Variants in CRYBG2 observed in about 807,000 individuals in gnomAD.
The protein encoded by CRYBG2 is beta/gamma crystallin domain-containing protein 2.
Under a neutral mutation model 153.4 loss-of-function variants are expected in CRYBG2, and 106 were observed. That is an observed-to-expected ratio of 0.69 (90% confidence interval 0.59 to 0.81). CRYBG2 has a LOEUF of 0.81. Among genes scored for constraint, CRYBG2 ranks in the 30% least tolerant of loss-of-function variants. The probability of loss-of-function intolerance (pLI) is 0.00; values close to 1 mark genes in which losing one functional copy is unlikely to be tolerated. For missense variants in CRYBG2, 1,996 were observed against 2,112.0 expected, an observed-to-expected ratio of 0.95 and a Z score of 1.08; for synonymous variants, 851 against 877.8, an observed-to-expected ratio of 0.97 and a Z score of 0.54.
At position 26,345,144 on chromosome 1, in the gene CRYBG2, G is replaced by A; in HGVS notation, c.1514C>T (p.Ala505Val). 8.8e-7 allele frequency: 1 copy of A among 1,132,702 alleles called. No individual in the cohort carries two copies. The highest frequency in any genetic ancestry group is 1.2e-6 in the Non-Finnish European group (1 of 834,436). The allele number at this position is 1,132,702 out of a possible 1,614,324, so 70.2% of individuals were successfully genotyped here. ...KEVVKGPGAPAASSPTQKEVV... is the reference protein window; with the variant it reads ...KEVVKGPGAPVASSPTQKEVV... ...CTCCTTCTGGGTGGGAGATGAGGCA[G>A]CAGGAGCACCAGGGCCCTTCACGAC... Residue 505 changes from alanine to valine, a missense_variant, in exon 2 of 20, where the codon GCT becomes GTT. Physicochemically the swap from Ala to Val is moderately conservative, Grantham distance 64. Coordinates refer to ENST00000308182, the MANE Select transcript of CRYBG2 (RefSeq NM_001039775.4).
chr1:26,322,718 G>A (rs539798530), intron 18 of CRYBG2, among the ~76,000 whole-genome samples: 1 of 152,230 alleles, frequency 6.6e-6, no homozygotes, highest in East Asian at 1.9e-4. Context: ...CTGCCCCACG[G>A]TACTCTAGAC....
intron 5 of CRYBG2, among the ~76,000 whole-genome samples, chr1:26,340,429 C>T (rs1438149112): frequency 6.6e-6 from 1 of 152,158 alleles, no homozygotes; most frequent in East Asian, 1.9e-4. Context: ...AACCCAGCAC[C>T]TCCCATGTGC....
At chr1:26,337,440 GAC>G (rs2074075582) in intron 9 of CRYBG2, 61 bp from the exon 10 acceptor site, 1 of 1,601,988 alleles carries the variant, frequency 6.2e-7, no homozygotes, top group Non-Finnish European at 8.5e-7. Context: ...GGATGAATGA[GAC>G]AGCTGTCCCC....
rs1046647582 is a variant in CRYBG2 at position 26,328,567 on chromosome 1, A to G, written c.4454+167T>C. On this transcript the variant is annotated intron_variant, in intron 16 of 19. Coordinates refer to ENST00000308182, the MANE Select transcript of CRYBG2 (RefSeq NM_001039775.4). Reference sequence around the variant, plus strand: ...CCACCAAGCTGGGGTCTAAGCCCTGAGAGCCAGTGACCCTTCTCAGTCCGC... The same window carrying G: ...CCACCAAGCTGGGGTCTAAGCCCTGGGAGCCAGTGACCCTTCTCAGTCCGC... 13 of 1,186,784 alleles carry G rather than the reference A, an allele frequency of 1.1e-5. No individual in the cohort carries two copies. In the East Asian group the frequency reaches 2.0e-4, roughly 18 times the overall value. The allele number at this position is 1,186,784 out of a possible 1,614,324, so 73.5% of individuals were successfully genotyped here.
intron 5 of CRYBG2, 24 bp downstream of exon 5, chr1:26,342,730 G>C: frequency 6.2e-7 from 1 of 1,608,560 alleles, no homozygotes; most frequent in South Asian, 1.1e-5. Flanking sequence ...ACTCGAGGCC[G>C]TCTCCCACCT....
chr1:26,322,022 T>C lies in CRYBG2; in HGVS notation c.4932A>G (p.Leu1644=), dbSNP rs1258898147. Reference sequence around the variant, plus strand: ...ATGCCCTGTCCTCATCCGGCTCCCATAGCACCACGTGGTCCCGGTCGTAGC... The same window carrying C: ...ATGCCCTGTCCTCATCCGGCTCCCACAGCACCACGTGGTCCCGGTCGTAGC... The part of the protein sequence containing the change: ...GRGYDRDHVV[L]WEPDEDRASQ... The change falls in exon 20 of 20, where the codon CTA becomes CTG. Residue 1644 remains leucine, a synonymous_variant. Coordinates refer to ENST00000308182, the MANE Select transcript of CRYBG2 (RefSeq NM_001039775.4). 1.2e-6 allele frequency: 2 copies of C among 1,607,264 alleles called. No individual in the cohort carries two copies.
rs778248148 is a variant in CRYBG2, at chr1:26,328,274, C to T, written c.4513G>A (p.Glu1505Lys). 1.1e-5 allele frequency: 17 copies of T among 1,567,404 alleles called. No homozygotes were observed. Among genetic ancestry groups the T allele is most frequent in the South Asian group, 3.5e-5 (3 of 85,368 alleles). ...RGRQWLVGSC[E>K]ITNWLTYSGT... is the part of the protein sequence containing the mutation. ...CTGTAGGTCAGCCAGTTGGTGATCTCGCAGCTTCCCACCAGCCACTGGCGG... is the reference window on the plus strand; with the variant it reads ...CTGTAGGTCAGCCAGTTGGTGATCTTGCAGCTTCCCACCAGCCACTGGCGG... The change falls in exon 17 of 20, where the codon GAG (glutamate) becomes AAG (lysine). Residue 1505 changes from glutamate (E) to lysine (K), a missense_variant. Transcript: ENST00000308182.
intron 17 of CRYBG2, among the ~76,000 whole-genome samples, chr1:26,327,948 C>CAAAA (rs71581056): frequency 5.7e-5 from 6 of 105,056 alleles, no homozygotes; most frequent in African/African-American, 1.1e-4. Context: ...CTCTGTCACA[C>CAAAA]AAAAAAAAAA....
chr1:26,338,102 G>C, intron 7 of CRYBG2, 55 bp from the exon 8 acceptor site: 1 of 1,595,114 alleles, frequency 6.3e-7, no homozygotes, highest in South Asian at 1.1e-5. Flanking sequence ...GACAGATGGG[G>C]CTGCGGATCT....
intron 17 of CRYBG2, chr1:26,327,003 GT>G: frequency 3.9e-6 from 2 of 507,752 alleles, no homozygotes; most frequent in South Asian, 1.4e-5. Flanking sequence ...TTATGAAAGT[GT>G]TGAAGGCACA....
At chr1:26,332,847 A>C (rs1019368508) in intron 14 of CRYBG2, among the ~76,000 whole-genome samples, 1 of 151,528 alleles carries the variant, frequency 6.6e-6, no homozygotes, top group African/African-American at 2.4e-5. Context: ...TGTTTTTTTT[A>C]TTATATTAAC....
chr1:26,326,281 T>C (rs545946082), intron 17 of CRYBG2, among the ~76,000 whole-genome samples: 17 of 152,050 alleles, frequency 1.1e-4, no homozygotes, highest in Non-Finnish European at 2.4e-4. Flanking sequence ...CTCACACCTG[T>C]AAACCCAGCA....
At position 26,346,122 on chromosome 1, in the gene CRYBG2, C is replaced by T. The variant is rs375512215; in HGVS notation, c.536G>A (p.Arg179Gln). ...LEEYRVTRTV[R>Q]TTTVVGGHVD... ...ATGACCTCCCACCACTGTGGTGGTC[C>T]GCACAGTGCGTGTCACTCGGTATTC... Residue 179 changes from arginine (R) to glutamine (Q), a missense_variant, in exon 2 of 20, where the codon CGG becomes CAG. By Grantham distance (43) the Arg-to-Gln change is conservative. Transcript: ENST00000308182. The surrounding 1 kb of genome is among the most constrained non-coding windows in gnomAD (Gnocchi z 4.9). 242 of 1,565,212 alleles carry T rather than the reference C, an allele frequency of 1.5e-4. 1 individual carries two copies. Among genetic ancestry groups the T allele is most frequent in the Middle Eastern group, 1.0e-3 (6 of 5,916 alleles).
Position 26,345,462 on chromosome 1 carries a change from G to C in CRYBG2, c.1196C>G (p.Pro399Arg), listed in dbSNP as rs764328956. ...PPKKKDGPVDPPAATVLPMVR... is the reference protein window; with the variant it reads ...PPKKKDGPVDRPAATVLPMVR... ...CATGGGCAGGACGGTGGCAGCAGGG[G>C]GGTCCACGGGCCCGTCCTTTTTTTT... is the stretch of plus-strand genomic sequence containing the variant. Residue 399 changes from proline to arginine, a missense_variant, in exon 2 of 20, where the codon CCC becomes CGC. Transcript: ENST00000308182. 1.9e-6 allele frequency: 3 copies of C among 1,596,636 alleles called. No homozygotes were observed. Among genetic ancestry groups the C allele is most frequent in the Non-Finnish European group, 2.6e-6 (3 of 1,170,436 alleles).
At position 26,343,991 on chromosome 1, in the gene CRYBG2, C is replaced by T; in HGVS notation, c.2667G>A (p.Glu889=). The T allele has an allele frequency of 1.3e-6, 2 of 1,536,596 alleles. No homozygotes were observed. The highest frequency in any genetic ancestry group is 1.7e-6 in the Non-Finnish European group (2 of 1,146,892). The change falls in exon 2 of 20, where the codon GAG becomes GAA. Residue 889 remains glutamate, a synonymous_variant. Coordinates refer to ENST00000308182, the MANE Select transcript of CRYBG2 (RefSeq NM_001039775.4). The surrounding 1 kb of genome is among the most constrained non-coding windows in gnomAD (Gnocchi z 4.1). ...HVAGTKGPHS[E]LGLELQGGSR... is the part of the protein sequence containing the mutation. The stretch of plus-strand genomic sequence containing the variant: ...TGCCTCCCTGCAGTTCCAATCCCAG[C>T]TCTGAGTGGGGGCCCTTGGTTCCTG...
In CRYBG2 at chr1:26,346,813, C is replaced by T; in HGVS notation, c.-55-101G>A. On this transcript the variant is annotated intron_variant, in intron 1 of 19. Transcript: ENST00000308182. This position sits in a 1 kb window ranked among gnomAD's most constrained non-coding sequence, Gnocchi z 4.9. Reference sequence around the variant, plus strand: ...CCCAAGTCAGGCTGGGAACCTCAGGCAAATCGCTTGGCCTTTTTGGGCCAT... The same window carrying T: ...CCCAAGTCAGGCTGGGAACCTCAGGTAAATCGCTTGGCCTTTTTGGGCCAT... 1.3e-6 allele frequency: 1 copy of T among 750,236 alleles called. No homozygotes were observed. The highest frequency in any genetic ancestry group is 1.8e-5 in the African/African-American group (1 of 56,834). 46.5% of individuals were successfully genotyped at this position (750,236 alleles called of 1,614,324 possible). A position where few individuals can be genotyped will look rare whatever the true frequency, so the allele number is the denominator to read the frequency against.
chr1:26,326,539 T>G (rs2073929109), intron 17 of CRYBG2: 1 of 143,024 alleles, frequency 7.0e-6, no homozygotes, highest in Non-Finnish European at 1.5e-5. Flanking sequence ...AGACTCTGTC[T>G]CAAAAAAAAA....
chr1:26,328,629 GA>G, intron 16 of CRYBG2, 104 bp downstream of exon 16: 4 of 1,472,872 alleles, frequency 2.7e-6, no homozygotes, highest in Admixed American at 2.2e-5. Context: ...GGGAGTGGGG[GA>G]AAAGTGGGGA....
rs2124078248 is a variant in CRYBG2, at chr1:26,354,046, A to G, written c.-66T>C. 1 of 399,494 alleles carries G rather than the reference A, an allele frequency of 2.5e-6. No individual in the cohort carries two copies. The highest frequency in any genetic ancestry group is 3.6e-5 in the East Asian group (1 of 28,080). 24.7% of individuals were successfully genotyped at this position (399,494 alleles called of 1,614,324 possible). A position where few individuals can be genotyped will look rare whatever the true frequency, so the allele number is the denominator to read the frequency against. On this transcript the variant is annotated 5_prime_UTR_variant, in exon 1 of 20. Coordinates refer to ENST00000308182, the MANE Select transcript of CRYBG2 (RefSeq NM_001039775.4). ...CACACACAGACCGACCTCTACTCAC[A>G]GTCTGCGTGGGGACCCAGGTGTCCA...
Sources: gnomAD v4.1 joint callset for allele counts (sites outside exome capture counted in the v4.1 genomes callset) on GRCh38, gnomAD v4.1.1 for gene constraint, Gnocchi (gnomAD v3.1) non-coding constraint, MANE v1.5 for transcripts, NCBI Gene and HGNC (gene_info 2026-07-23, HGNC 2026-07-21) for gene names.